CLINT1: variants seen among roughly 807,000 people sequenced by gnomAD.
CLINT1 encodes clathrin interacting protein localized in the trans-Golgi region.
In CLINT1, 15 loss-of-function variants were observed where a neutral mutation model predicts 70.4. The observed-to-expected ratio is 0.21, with a 90% CI of 0.14 to 0.33. The LOEUF (loss-of-function observed/expected upper bound fraction) is 0.33, where lower values mean the gene tolerates loss of function less well. Among genes scored for constraint, CLINT1 ranks in the 10% least tolerant of loss-of-function variants. CLINT1 has a pLI of 1.00. For synonymous variants in CLINT1, 227 were observed against 254.7 expected (o/e 0.89, Z 1.04); for missense variants, 615 against 778.1 (o/e 0.79, Z 2.49).
At chr5:157,825,848 T>C (rs1445189532) in intron 1 of CLINT1, among the ~76,000 whole-genome samples, 1 of 152,164 alleles carries the variant, frequency 6.6e-6, no homozygotes, top group African/African-American at 2.4e-5. Context: ...ATTTCAATAA[T>C]CGTTGAATCC....
chr5:157,837,782 T>C (rs926959344), intron 1 of CLINT1, among the ~76,000 whole-genome samples: 6 of 151,858 alleles, frequency 4.0e-5, no homozygotes, highest in African/African-American at 1.5e-4. Context: ...TAGCTGGGAC[T>C]ACAGGCACGT....
intron 1 of CLINT1, among the ~76,000 whole-genome samples, chr5:157,835,545 C>T (rs1410671302): frequency 6.6e-6 from 1 of 151,878 alleles, no homozygotes; most frequent in African/African-American, 2.4e-5. Context: ...GTTTTCTTTC[C>T]CTCTCGGTGC....
chr5:157,838,192 G>A (rs565836804), intron 1 of CLINT1, among the ~76,000 whole-genome samples: 84 of 146,578 alleles, frequency 5.7e-4, no homozygotes, highest in Admixed American at 1.3e-3. Flanking sequence ...GCACGATCTC[G>A]GCTCACTGCA....
intron 1 of CLINT1, among the ~76,000 whole-genome samples, chr5:157,837,398 G>A (rs192167143): frequency 6.7e-6 from 1 of 149,408 alleles, no homozygotes; most frequent in East Asian, 1.9e-4. Context: ...AGGAAGGATG[G>A]AATATATGTA....
At chr5:157,803,758 T>A (rs1208528891) in intron 7 of CLINT1, 39 bp from the exon 8 acceptor site, 1 of 1,467,092 alleles carries the variant, frequency 6.8e-7, no homozygotes, top group South Asian at 1.5e-5. Context: ...TCGAAAAGTT[T>A]GTTTTTCTAA....
intron 1 of CLINT1, among the ~76,000 whole-genome samples, chr5:157,857,758 C>A (rs1753804292): frequency 6.6e-6 from 1 of 152,192 alleles, no homozygotes; most frequent in South Asian, 2.1e-4. Flanking sequence ...GCTCCTTAGG[C>A]ACTCTATTGC....
chr5:157,818,227 A>G (rs1246502767), intron 1 of CLINT1, among the ~76,000 whole-genome samples: 1 of 152,108 alleles, frequency 6.6e-6, no homozygotes, highest in Non-Finnish European at 1.5e-5. Context: ...GGGCCTCAGG[A>G]GTCAGAAAGA....
intron 6 of CLINT1, 33 bp from the exon 7 acceptor site, chr5:157,806,145 A>C: frequency 6.2e-7 from 1 of 1,601,568 alleles, no homozygotes; most frequent in Non-Finnish European, 8.5e-7. Context: ...CAAAATAATA[A>C]GACGGGATTA....
At chr5:157,805,168 T>G (rs1033065356) in intron 7 of CLINT1, among the ~76,000 whole-genome samples, 1 of 152,182 alleles carries the variant, frequency 6.6e-6, no homozygotes, top group Non-Finnish European at 1.5e-5. Context: ...GCTGCATACA[T>G]TAGAAAACTG....
chr5:157,844,751 T>C (rs1264544321), intron 1 of CLINT1, among the ~76,000 whole-genome samples: 2 of 152,140 alleles, frequency 1.3e-5, no homozygotes, highest in Non-Finnish European at 2.9e-5. Context: ...GACCAAAACA[T>C]AAAGATCACA....
intron 1 of CLINT1, among the ~76,000 whole-genome samples, chr5:157,833,464 T>C (rs552985836): frequency 6.6e-5 from 10 of 152,296 alleles, no homozygotes; most frequent in East Asian, 1.9e-4. Context: ...TCCTGAAGAA[T>C]AGGCCTTTTG....
chr5:157,837,490 C>G (rs988359726), intron 1 of CLINT1, among the ~76,000 whole-genome samples: 3 of 152,062 alleles, frequency 2.0e-5, no homozygotes, highest in African/African-American at 7.2e-5. Flanking sequence ...ATTCTAAAAA[C>G]TCATACTTGA....
chr5:157,850,629 A>T (rs1753540657), intron 1 of CLINT1, among the ~76,000 whole-genome samples: 1 of 151,638 alleles, frequency 6.6e-6, no homozygotes, highest in African/African-American at 2.4e-5. Flanking sequence ...AAAAAAAAAA[A>T]AAAAAAAAAA....
chr5:157,787,546 C>T lies in CLINT1; in HGVS notation c.*100G>A, dbSNP rs553026541. On this transcript the variant is annotated 3_prime_UTR_variant, in exon 12 of 12. Coordinates refer to ENST00000411809, the MANE Select transcript of CLINT1 (RefSeq NM_014666.4). Reference sequence around the variant, plus strand: ...TCTTTATGTAGATTTATTTTAATTACTTGATAAAAGAAAGGGTAGTTGATT... The same window carrying T: ...TCTTTATGTAGATTTATTTTAATTATTTGATAAAAGAAAGGGTAGTTGATT... 2.1e-3 allele frequency: 2,030 copies of T among 975,432 alleles called. 7 individuals are homozygous for T. The highest frequency in any genetic ancestry group is 5.2e-3 in the Middle Eastern group (23 of 4,416). The allele number at this position is 975,432 out of a possible 1,614,324, so 60.4% of individuals were successfully genotyped here.
rs1025655396 is a variant in CLINT1 at position 157,787,076 on chromosome 5, T to A, written c.*570A>T. The A allele has an allele frequency of 6.5e-6, 1 of 153,054 alleles. No homozygotes were observed. The highest frequency in any genetic ancestry group is 2.4e-5 in the African/African-American group (1 of 41,418). The allele number at this position is 153,054 out of a possible 1,614,324, so 9.5% of individuals were successfully genotyped here. A position where few individuals can be genotyped will look rare whatever the true frequency, so the allele number is the denominator to read the frequency against. ...GTATAATAGCAGTGTTGCTGGAACATTAGCAAAAGTATATACATTCCAGTT... is the reference window on the plus strand; with the variant it reads ...GTATAATAGCAGTGTTGCTGGAACAATAGCAAAAGTATATACATTCCAGTT... On this transcript the variant is annotated 3_prime_UTR_variant, in exon 12 of 12. Coordinates refer to ENST00000411809, the MANE Select transcript of CLINT1 (RefSeq NM_014666.4).
intron 1 of CLINT1, among the ~76,000 whole-genome samples, chr5:157,841,332 G>T (rs1461127260): frequency 6.6e-6 from 1 of 151,788 alleles, no homozygotes; most frequent in Admixed American, 6.6e-5. Flanking sequence ...TTGGGAGGCC[G>T]AGGTGGGCAG....
intron 1 of CLINT1, among the ~76,000 whole-genome samples, chr5:157,852,225 A>G (rs564615421): frequency 6.6e-6 from 1 of 152,376 alleles, no homozygotes; most frequent in Non-Finnish European, 1.5e-5. Flanking sequence ...GGAATTCGCG[A>G]TATGTCTTTC....
At chr5:157,803,592 T>C (rs948122526) in intron 8 of CLINT1, 58 bp downstream of exon 8, 3 of 1,191,146 alleles carry the variant, frequency 2.5e-6, no homozygotes, top group Non-Finnish European at 3.4e-6. Context: ...CTATCTTTTA[T>C]TTGGCATTTT....
intron 10 of CLINT1, 138 bp downstream of exon 10, chr5:157,791,565 A>G: frequency 1.3e-6 from 1 of 775,432 alleles, no homozygotes. Context: ...AAATGCGTAT[A>G]TATACACACA....
Sources: allele counts gnomAD v4.1 joint callset (sites outside exome capture counted in the v4.1 genomes callset), GRCh38; gene constraint gnomAD v4.1.1; transcripts MANE v1.5; gene names NCBI Gene and HGNC (gene_info 2026-07-23, HGNC 2026-07-21).